Variants in TEX36 observed in about 807,000 individuals in gnomAD.
The protein encoded by TEX36 is testis-expressed protein 36.
A neutral mutation model predicts 13.6 loss-of-function variants in TEX36; 12 were observed. The observed-to-expected ratio is 0.88, with a 90% CI of 0.56 to 1.43. The LOEUF (loss-of-function observed/expected upper bound fraction) is 1.43. Ranked by LOEUF, TEX36 falls within the 40% of genes most tolerant of loss-of-function variation. TEX36 has a pLI of 0.00. For missense variants in TEX36, 224 were observed against 228.3 expected (o/e 0.98, Z 0.12); for synonymous variants, 93 against 83.0 (o/e 1.12, Z -0.65).
chr10:125,648,803 A>T (rs2133582633), intron 3 of TEX36, among the ~76,000 whole-genome samples: 1 of 152,342 alleles, frequency 6.6e-6, no homozygotes, highest in African/African-American at 2.4e-5. Context: ...TAAACAGAGT[A>T]GAGAAGTCCT....
Position 125,590,145 on chromosome 10 carries a change from T to G in TEX36, c.265-13271A>C, listed in dbSNP as rs181465238. The stretch of plus-strand genomic sequence containing the variant: ...TTTGTTTTAATTTGAGACAGGCTCT[T>G]GCTCTGTCGCACAGGCTGGAGTGTA... On this transcript the variant is annotated intron_variant, in intron 3 of 3. Coordinates refer to the TEX36 transcript ENST00000532135. Among the ~76,000 whole-genome samples the G allele has an allele frequency of 3.3e-5, 5 of 152,216 alleles. No individual in the cohort carries two copies. In the East Asian group the frequency reaches 9.6e-4, roughly 29 times the overall value.
downstream of TEX36, among the ~76,000 whole-genome samples, chr10:125,655,488 G>T (rs1291348382): frequency 2.6e-5 from 4 of 152,142 alleles, no homozygotes; most frequent in African/African-American, 4.8e-5. Flanking sequence ...GTGTAACATA[G>T]TAATGTTGAA....
intron 3 of TEX36, among the ~76,000 whole-genome samples, chr10:125,622,338 A>T (rs1359759984): frequency 6.6e-6 from 1 of 152,256 alleles, no homozygotes; most frequent in African/African-American, 2.4e-5. Flanking sequence ...AATAAAATGA[A>T]GATATTTCCT....
chr10:125,633,929 C>T (rs181752482), intron 3 of TEX36, among the ~76,000 whole-genome samples: 8 of 152,182 alleles, frequency 5.3e-5, no homozygotes, highest in Admixed American at 5.2e-4. Context: ...GCAGGGAGCA[C>T]TTTATGGGGC....
At chr10:125,594,584 C>T (rs1169404780) in intron 3 of TEX36, among the ~76,000 whole-genome samples, 2 of 152,176 alleles carry the variant, frequency 1.3e-5, no homozygotes, top group Admixed American at 6.5e-5. Context: ...GCTCTCAAAC[C>T]TACATTTTTA....
chr10:125,661,871 G>T lies in TEX36; in HGVS notation c.158C>A (p.Pro53Gln), dbSNP rs1489182135. ...CTTCTCCCGGACTTTGTATATGGGC[G>T]GCAGCTTCCCCTCCGCTTGCCGAGG... is the stretch of plus-strand genomic sequence containing the variant. ...HLPRQAEGKL[P>Q]PIYKVREKQA... The change falls in exon 2 of 4, where the codon CCG becomes CAG. Residue 53 changes from proline to glutamine, a missense_variant. Coordinates refer to ENST00000368821, the MANE Select transcript of TEX36 (RefSeq NM_001128202.3). 3 of 1,551,954 alleles carry T rather than the reference G, an allele frequency of 1.9e-6. No homozygotes were observed. The highest frequency in any genetic ancestry group is 2.6e-6 in the Non-Finnish European group (3 of 1,147,048).
intron 1 of TEX36, chr10:125,667,754 G>T: frequency 1.2e-6 from 1 of 825,228 alleles, no homozygotes; most frequent in Non-Finnish European, 2.1e-6. Context: ...GCAGTCGTCA[G>T]CTGTCAGCAG....
At chr10:125,649,492 C>G (rs1338433479) in intron 3 of TEX36, among the ~76,000 whole-genome samples, 1 of 152,186 alleles carries the variant, frequency 6.6e-6, no homozygotes, top group East Asian at 1.9e-4. Flanking sequence ...ACAAGAGCTC[C>G]TGAAGGAAGC....
chr10:125,668,236 A>C (rs1847159263), intron 1 of TEX36, among the ~76,000 whole-genome samples: 1 of 152,028 alleles, frequency 6.6e-6, no homozygotes, highest in Admixed American at 6.5e-5. Flanking sequence ...GTTTCAAGAC[A>C]ATTGGTATTT....
At chr10:125,611,605 T>C (rs1269487301) in intron 3 of TEX36, among the ~76,000 whole-genome samples, 1 of 152,206 alleles carries the variant, frequency 6.6e-6, no homozygotes, top group East Asian at 1.9e-4. Flanking sequence ...GCTATTTATA[T>C]ATGAAAAATT....
chr10:125,643,552 T>C (rs1846721855), intron 3 of TEX36, among the ~76,000 whole-genome samples: 1 of 152,014 alleles, frequency 6.6e-6, no homozygotes, highest in Admixed American at 6.6e-5. Flanking sequence ...GACCATCTGG[T>C]TAACAAAGTG....
chr10:125,581,429 C>T (rs1192139998), intron 3 of TEX36, among the ~76,000 whole-genome samples: 1 of 152,196 alleles, frequency 6.6e-6, no homozygotes, highest in Non-Finnish European at 1.5e-5. Flanking sequence ...ACTCGCCCCT[C>T]GGGCACATCC....
At chr10:125,580,866 G>A (rs1441302811) in intron 3 of TEX36, among the ~76,000 whole-genome samples, 3 of 152,116 alleles carry the variant, frequency 2.0e-5, no homozygotes, top group African/African-American at 7.2e-5. Flanking sequence ...GTCCTTTCCT[G>A]GGACTTTCCT....
chr10:125,619,281 C>T (rs139224858), downstream of TEX36, among the ~76,000 whole-genome samples: 1 of 152,134 alleles, frequency 6.6e-6, no homozygotes, highest in Non-Finnish European at 1.5e-5. Context: ...CAAGCAATGG[C>T]GGGAAAGAAC....
chr10:125,595,456 A>G (rs1047150193), intron 3 of TEX36, among the ~76,000 whole-genome samples: 4 of 152,160 alleles, frequency 2.6e-5, no homozygotes, highest in African/African-American at 7.2e-5. Context: ...TTTTTGCCCA[A>G]TTAGTTTTTC....
At chr10:125,673,299 T>G (rs1371809759) in intron 1 of TEX36, among the ~76,000 whole-genome samples, 1 of 152,252 alleles carries the variant, frequency 6.6e-6, no homozygotes, top group East Asian at 1.9e-4. Context: ...TCTTGCAAGG[T>G]AGGCCTGGTG....
chr10:125,593,084 C>G (rs1010701381), intron 3 of TEX36, among the ~76,000 whole-genome samples: 1 of 152,316 alleles, frequency 6.6e-6, no homozygotes, highest in African/African-American at 2.4e-5. Flanking sequence ...CCTTCATCCT[C>G]TCCATGCTCC....
At chr10:125,682,303 G>A (rs759945131) in intron 1 of TEX36, among the ~76,000 whole-genome samples, 2 of 152,214 alleles carry the variant, frequency 1.3e-5, no homozygotes, top group Non-Finnish European at 2.9e-5. Flanking sequence ...GGCTCTGTAA[G>A]TGACATCAGA....
intron 3 of TEX36, among the ~76,000 whole-genome samples, chr10:125,650,663 A>G (rs1846837459): frequency 6.6e-6 from 1 of 152,246 alleles, no homozygotes; most frequent in African/African-American, 2.4e-5. Flanking sequence ...GCAGAACTGA[A>G]GGAGATAGAG....
Sources: allele counts gnomAD v4.1 joint callset (sites outside exome capture counted in the v4.1 genomes callset), GRCh38; gene constraint gnomAD v4.1.1; transcripts MANE v1.5; gene names NCBI Gene and HGNC (gene_info 2026-07-23, HGNC 2026-07-21).